Variants in ST6GALNAC3 observed in about 807,000 individuals in gnomAD.
ST6GALNAC3 encodes alpha-N-acetylgalactosaminide alpha-2,6-sialyltransferase 3.
Under a neutral mutation model 32.7 loss-of-function variants are expected in ST6GALNAC3, and 25 were observed. The observed-to-expected ratio is 0.76, with a 90% confidence interval of 0.56 to 1.07. The LOEUF is 1.07. Among genes scored for constraint, ST6GALNAC3 ranks in the 50% least tolerant of loss-of-function variants. The probability of loss-of-function intolerance (pLI) is 0.00; values close to 1 mark genes in which losing one functional copy is unlikely to be tolerated. For missense variants in ST6GALNAC3, 355 were observed against 382.4 expected (o/e 0.93, Z 0.60); for synonymous variants, 129 against 133.1 (o/e 0.97, Z 0.21).
intron 3 of ST6GALNAC3, among the ~76,000 whole-genome samples, chr1:76,522,794 C>A (rs918975750): frequency 6.6e-6 from 1 of 152,098 alleles, no homozygotes; most frequent in East Asian, 1.9e-4. Flanking sequence ...TAATTTACAC[C>A]TGGAAAGTCA....
intron 1 of ST6GALNAC3, among the ~76,000 whole-genome samples, chr1:76,149,809 T>C (rs552526398): frequency 5.1e-4 from 78 of 152,344 alleles, no homozygotes; most frequent in African/African-American, 1.8e-3. Flanking sequence ...AGATACCTCT[T>C]TGAGATACTG....
intron 2 of ST6GALNAC3, among the ~76,000 whole-genome samples, chr1:76,379,573 G>C (rs1651540244): frequency 6.6e-6 from 1 of 152,084 alleles, no homozygotes; most frequent in Non-Finnish European, 1.5e-5. Flanking sequence ...TTTGGTTTGG[G>C]GTTATTGAGA....
intron 3 of ST6GALNAC3, among the ~76,000 whole-genome samples, chr1:76,449,490 G>C (rs968917111): frequency 6.6e-6 from 1 of 152,158 alleles, no homozygotes; most frequent in East Asian, 1.9e-4. Context: ...CCATCAAACT[G>C]TCTTTCAACA....
chr1:76,614,000 A>G (rs1468992575), intron 3 of ST6GALNAC3, among the ~76,000 whole-genome samples: 1 of 152,216 alleles, frequency 6.6e-6, no homozygotes, highest in East Asian at 1.9e-4. Context: ...CTGTTACATC[A>G]TCGTTGAGAA....
chr1:76,445,533 T>C (rs1656910933), intron 3 of ST6GALNAC3, among the ~76,000 whole-genome samples: 2 of 152,234 alleles, frequency 1.3e-5, no homozygotes, highest in Admixed American at 1.3e-4. Flanking sequence ...ATAAATACAC[T>C]GTGTATGGGT....
chr1:76,494,429 GTATATATATA>G (rs60378565), intron 3 of ST6GALNAC3, among the ~76,000 whole-genome samples: 994 of 53,428 alleles, frequency 0.019, 39 homozygotes, highest in Middle Eastern at 0.081. Flanking sequence ...GTGTGCATGT[GTATATATATA>G]TATATATATA....
At chr1:76,082,307 TG>T (rs1159932999) in intron 1 of ST6GALNAC3, among the ~76,000 whole-genome samples, 1 of 152,202 alleles carries the variant, frequency 6.6e-6, no homozygotes, top group African/African-American at 2.4e-5. Flanking sequence ...AGTTAGCTCC[TG>T]GTTATTAAAA....
Position 76,631,729 on chromosome 1 carries a change from A to T in ST6GALNAC3, c.*2923A>T, listed in dbSNP as rs1649309725. The T allele has an allele frequency of 6.6e-6, 1 of 152,118 alleles. No homozygotes were observed. The highest frequency in any genetic ancestry group is 1.9e-4 in the East Asian group (1 of 5,198). 9.4% of individuals were successfully genotyped at this position (152,118 alleles called of 1,614,324 possible). A position where few individuals can be genotyped will look rare whatever the true frequency, so the allele number is the denominator to read the frequency against. On this transcript the variant is annotated 3_prime_UTR_variant, in exon 5 of 5. Transcript: ENST00000328299. ...TTTCAATACTATCCGTGCTTCTTGGAAAATGAACTATAAAAAAGGGTCACA... is the reference window on the plus strand; with the variant it reads ...TTTCAATACTATCCGTGCTTCTTGGTAAATGAACTATAAAAAAGGGTCACA...
intron 3 of ST6GALNAC3, among the ~76,000 whole-genome samples, chr1:76,466,769 TG>T (rs1386573654): frequency 3.3e-5 from 5 of 152,196 alleles, no homozygotes; most frequent in African/African-American, 1.2e-4. Context: ...ATGGGTTATT[TG>T]CATGAAGTCT....
intron 3 of ST6GALNAC3, among the ~76,000 whole-genome samples, chr1:76,541,971 A>G (rs759249494): frequency 1.1e-4 from 17 of 152,210 alleles, no homozygotes; most frequent in Non-Finnish European, 1.6e-4. Context: ...CATTTGAATC[A>G]GTGGTACTTT....
At chr1:76,077,100 A>G (rs1329632147) in intron 1 of ST6GALNAC3, among the ~76,000 whole-genome samples, 1 of 152,172 alleles carries the variant, frequency 6.6e-6, no homozygotes, top group African/African-American at 2.4e-5. Flanking sequence ...TGCAGAATAC[A>G]GGTTTCAGTC....
chr1:76,221,265 A>G (rs1319464392), intron 1 of ST6GALNAC3, among the ~76,000 whole-genome samples: 1 of 152,230 alleles, frequency 6.6e-6, no homozygotes, highest in African/African-American at 2.4e-5. Context: ...AAACCTTAAT[A>G]CTACAAAGTC....
At chr1:76,577,281 A>G in intron 3 of ST6GALNAC3, 3 of 989,830 alleles carry the variant, frequency 3.0e-6, no homozygotes, top group Non-Finnish European at 3.6e-6. Context: ...CTCCAAGGGA[A>G]TTGTTTTGTA....
intron 2 of ST6GALNAC3, among the ~76,000 whole-genome samples, chr1:76,363,337 A>G (rs752438698): frequency 6.6e-6 from 1 of 152,184 alleles, no homozygotes; most frequent in Non-Finnish European, 1.5e-5. Context: ...GTTCTTTGCT[A>G]AGGCATTGCA....
intron 1 of ST6GALNAC3, among the ~76,000 whole-genome samples, chr1:76,294,507 C>T (rs1660279567): frequency 6.6e-6 from 1 of 152,018 alleles, no homozygotes; most frequent in Non-Finnish European, 1.5e-5. Context: ...GGTAGGCTTA[C>T]AGAAAGAGAG....
At chr1:76,145,405 C>A (rs1365762802) in intron 1 of ST6GALNAC3, among the ~76,000 whole-genome samples, 6 of 152,186 alleles carry the variant, frequency 3.9e-5, no homozygotes. Flanking sequence ...GTACTAGCAG[C>A]ATGGGCATCA....
intron 3 of ST6GALNAC3, among the ~76,000 whole-genome samples, chr1:76,574,627 G>A (rs1215960319): frequency 2.0e-5 from 3 of 151,972 alleles, no homozygotes; most frequent in Admixed American, 6.6e-5. Context: ...AGTTTCTTCC[G>A]CTGAAAGTAT....
chr1:76,278,857 T>A (rs61771463), intron 1 of ST6GALNAC3, among the ~76,000 whole-genome samples: 318 of 152,294 alleles, frequency 2.1e-3, no homozygotes, highest in Non-Finnish European at 3.6e-3. Context: ...AGCCAGGATT[T>A]AAAATCAGGT....
intron 3 of ST6GALNAC3, among the ~76,000 whole-genome samples, chr1:76,589,223 C>T (rs1286847291): frequency 6.6e-6 from 1 of 152,156 alleles, no homozygotes. Flanking sequence ...TTGCAAATAT[C>T]TCCTTATTTG....
Sources: gnomAD v4.1 joint callset for allele counts (sites outside exome capture counted in the v4.1 genomes callset) on GRCh38, gnomAD v4.1.1 for gene constraint, MANE v1.5 for transcripts, NCBI Gene and HGNC (gene_info 2026-07-23, HGNC 2026-07-21) for gene names.